VPS53: variants seen among roughly 807,000 people sequenced by gnomAD.
The protein encoded by VPS53 is VPS53 subunit of GARP complex.
In VPS53, 70 loss-of-function variants were observed where a neutral mutation model predicts 107.0. The ratio of observed to expected loss-of-function variants is 0.65; its 90% confidence interval spans 0.54 to 0.80. The LOEUF is 0.80. VPS53 is among the 30% of genes least tolerant of loss of function. VPS53 has a pLI of 0.00. For missense variants in VPS53, 917 were observed against 1,049.4 expected (o/e 0.87, Z 1.74); for synonymous variants, 409 against 393.3 (o/e 1.04, Z -0.47).
intron 12 of VPS53, among the ~76,000 whole-genome samples, chr17:592,087 G>A (rs141062196): frequency 0.15 from 22,420 of 152,126 alleles, 1,984 homozygotes; most frequent in South Asian, 0.24. Flanking sequence ...TGTATTGGGT[G>A]CATATATATT....
chr17:541,951 ACCAGGCG>A (rs1288731618), intron 17 of VPS53, among the ~76,000 whole-genome samples: 33 of 146,800 alleles, frequency 2.2e-4, no homozygotes, highest in South Asian at 1.3e-3. Flanking sequence ...CCTACTACGC[ACCAGGCG>A]CTGAAGGAAT....
intron 4 of VPS53, among the ~76,000 whole-genome samples, chr17:696,241 G>C (rs1334851556): frequency 6.6e-6 from 1 of 152,164 alleles, no homozygotes; most frequent in African/African-American, 2.4e-5. Flanking sequence ...GAAAAAGAAA[G>C]TGATATAAAG....
rs757478810 is a variant in VPS53 at position 586,279 on chromosome 17, G to A, written c.1304C>T (p.Ser435Phe). Reference protein sequence around the residue: ...FEPHLYVYIESQDKNLGELID... With the variant: ...FEPHLYVYIEFQDKNLGELID... ...AATGTTCCTCACTCACTTGTCTTGG[G>A]ATTCGATATACACGTAGAGATGAGG... Residue 435 changes from serine (S) to phenylalanine (F), a missense_variant, in exon 13 of 22, where the codon TCC (serine) becomes TTC (phenylalanine). Physicochemically the swap from Ser to Phe is radical, Grantham distance 155 (BLOSUM62 -2). Coordinates refer to ENST00000437048, the MANE Select transcript of VPS53 (RefSeq NM_001128159.3). 1.2e-6 allele frequency: 2 copies of A among 1,613,766 alleles called. No individual in the cohort carries two copies. Among genetic ancestry groups the A allele is most frequent in the African/African-American group, 2.7e-5 (2 of 74,888 alleles).
chr17:654,528 G>A (rs532728200), intron 6 of VPS53, among the ~76,000 whole-genome samples: 66 of 152,070 alleles, frequency 4.3e-4, no homozygotes, highest in Non-Finnish European at 7.4e-4. Context: ...CACAAGGTCA[G>A]GAGATCGAGA....
intron 2 of VPS53, among the ~76,000 whole-genome samples, chr17:706,363 C>T (rs778900268): frequency 1.5e-4 from 23 of 151,828 alleles, no homozygotes; most frequent in Admixed American, 9.8e-4. Flanking sequence ...ATGGTGAAAC[C>T]CCGTCTCTAC....
At chr17:698,540 A>G (rs1973070239) in intron 3 of VPS53, among the ~76,000 whole-genome samples, 2 of 152,144 alleles carry the variant, frequency 1.3e-5, no homozygotes, top group South Asian at 4.2e-4. Context: ...CCCCATCTCT[A>G]CAAAAAATAT....
At chr17:601,677 C>A in intron 12 of VPS53, 118 bp downstream of exon 12, 1 of 730,996 alleles carries the variant, frequency 1.4e-6, no homozygotes, top group Non-Finnish European at 2.2e-6. Context: ...GTAAAGACCA[C>A]AACAGCTGTC....
intron 17 of VPS53, among the ~76,000 whole-genome samples, chr17:542,712 A>G (rs1206699658): frequency 6.6e-6 from 1 of 152,192 alleles, no homozygotes; most frequent in Non-Finnish European, 1.5e-5. Flanking sequence ...GCGCGATGGC[A>G]ACATGCCTGT....
At position 586,292 on chromosome 17, in the gene VPS53, C is replaced by T. The variant is rs780548655; in HGVS notation, c.1291G>A (p.Val431Met). The T allele has an allele frequency of 5.6e-6, 9 of 1,613,946 alleles. No homozygotes were observed. The East Asian group carries it at 1.1e-4, about 20-fold the overall frequency. ...CACTTGTCTTGGGATTCGATATACA[C>T]GTAGAGATGAGGCTCAAAACACTTG... ...VSKCFEPHLY[V>M]YIESQDKNLG... Residue 431 changes from valine (V) to methionine (M), a missense_variant, in exon 13 of 22, where the codon GTG becomes ATG. By Grantham distance (21) the Val-to-Met change is conservative. Coordinates refer to ENST00000437048, the MANE Select transcript of VPS53 (RefSeq NM_001128159.3).
At position 512,913 on chromosome 17, in the gene VPS53, A is replaced by G. The variant is rs1908041273; in HGVS notation, c.*6215T>C. ...GAGAAATCACTTGGCCGTCACTGGAAGAGCAGGCTGTGATGGGAACGGTAA... is the reference window on the plus strand; with the variant it reads ...GAGAAATCACTTGGCCGTCACTGGAGGAGCAGGCTGTGATGGGAACGGTAA... On this transcript the variant is annotated 3_prime_UTR_variant, in exon 22 of 22. Coordinates refer to ENST00000437048, the MANE Select transcript of VPS53 (RefSeq NM_001128159.3). 1 of 152,364 alleles carries G rather than the reference A, an allele frequency of 6.6e-6. No individual in the cohort carries two copies. Among genetic ancestry groups the G allele is most frequent in the Non-Finnish European group, 1.5e-5 (1 of 68,108 alleles). The allele number at this position is 152,364 out of a possible 1,614,324, so 9.4% of individuals were successfully genotyped here.
At chr17:672,108 TGACACACACACACACACACA>T (rs1971973815) in intron 4 of VPS53, among the ~76,000 whole-genome samples, 1 of 30,302 alleles carries the variant, frequency 3.3e-5, no homozygotes, top group African/African-American at 7.9e-5. Flanking sequence ...ATGATGAGGG[TGACACACACACACACACACA>T]CACACACACA....
intron 12 of VPS53, among the ~76,000 whole-genome samples, chr17:595,227 G>A (rs548426565): frequency 5.7e-5 from 5 of 88,298 alleles, no homozygotes; most frequent in East Asian, 1.0e-3. Context: ...CAATTTCCTC[G>A]TTTGATGATG....
rs190852790 is a variant in VPS53 at position 681,577 on chromosome 17, T to C, written c.285+15841A>G. Among the ~76,000 whole-genome samples, 78 of 152,342 alleles carry C rather than the reference T, an allele frequency of 5.1e-4. 1 individual carries two copies. The highest frequency in any genetic ancestry group is 4.9e-3 in the Admixed American group (75 of 15,300). ...TGTGATCTGTTGTTCTGGTTGAAAA[T>C]ATGAAGAAAATCTGGCTTCACATAG... On this transcript the variant is annotated intron_variant, in intron 4 of 21. Transcript: ENST00000437048.
intron 20 of VPS53, among the ~76,000 whole-genome samples, chr17:521,048 C>G (rs1290452485): frequency 1.3e-5 from 2 of 152,236 alleles, no homozygotes; most frequent in African/African-American, 4.8e-5. Context: ...ACAGGACCAT[C>G]TGTTCTCCAG....
Position 611,034 on chromosome 17 carries a change from A to C in VPS53, c.1117-9138T>G, listed in dbSNP as rs548547318. 1.2e-3 allele frequency among the ~76,000 whole-genome samples: 176 copies of C among 152,170 alleles called. 6 individuals are homozygous for C. In the South Asian group the frequency reaches 0.035, roughly 31 times the overall value. ...CAATCCAACTAAAAAATGGGCAAAA[A>C]ATGTGAATAGACATTTCCTTTTTTT... On this transcript the variant is annotated intron_variant, in intron 11 of 21. Transcript: ENST00000437048.
Position 553,442 on chromosome 17 carries a change from T to A in VPS53, c.1725A>T (p.Glu575Asp). 1.2e-6 allele frequency: 2 copies of A among 1,614,070 alleles called. No individual in the cohort carries two copies. Among genetic ancestry groups the A allele is most frequent in the Non-Finnish European group, 1.7e-6 (2 of 1,180,024 alleles). The change falls in exon 16 of 22, where the codon GAA becomes GAT. Residue 575 changes from glutamate to aspartate, a missense_variant. By Grantham distance (45) the Glu-to-Asp change is conservative. Coordinates refer to ENST00000437048, the MANE Select transcript of VPS53 (RefSeq NM_001128159.3). ...GTTCAATCAGACTTACATCCACTTT[T>A]TCTTTGAGTTTTTCTTCTAGCTGTT... The part of the protein sequence containing the change: ...TTQQLEEKLK[E>D]KVDVSLIERI...
chr17:508,700 T>G lies in VPS53; in HGVS notation c.*10428A>C, dbSNP rs1159814859. On this transcript the variant is annotated 3_prime_UTR_variant, in exon 22 of 22. Coordinates refer to ENST00000437048, the MANE Select transcript of VPS53 (RefSeq NM_001128159.3). The stretch of plus-strand genomic sequence containing the variant: ...ACCATCTCTGTTTAATTGAAGAGCC[T>G]CTACCATTGCAAGAAGAGCTGTTTA... 3 of 152,154 alleles carry G rather than the reference T, an allele frequency of 2.0e-5. No homozygotes were observed. Among genetic ancestry groups the G allele is most frequent in the Admixed American group, 1.3e-4 (2 of 15,282 alleles). The allele number at this position is 152,154 out of a possible 1,614,324, so 9.4% of individuals were successfully genotyped here.
At chr17:554,587 G>T (rs1207688154) in intron 15 of VPS53, among the ~76,000 whole-genome samples, 5 of 152,128 alleles carry the variant, frequency 3.3e-5, no homozygotes, top group African/African-American at 9.7e-5. Flanking sequence ...ATTTTTAGTA[G>T]AGACGGGGTT....
At chr17:691,444 C>T (rs967083612) in intron 4 of VPS53, among the ~76,000 whole-genome samples, 1 of 152,182 alleles carries the variant, frequency 6.6e-6, no homozygotes, top group Non-Finnish European at 1.5e-5. Flanking sequence ...ACAAAGGACT[C>T]CTGAACTGGG....
Sources: allele counts gnomAD v4.1 joint callset (sites outside exome capture counted in the v4.1 genomes callset), GRCh38; gene constraint gnomAD v4.1.1; transcripts MANE v1.5; gene names NCBI Gene and HGNC (gene_info 2026-07-23, HGNC 2026-07-21).